The following DGKG variants were observed in gnomAD, a reference collection of about 807,000 sequenced individuals.
The protein encoded by DGKG is diacylglycerol kinase gamma.
Under a neutral mutation model 105.3 loss-of-function variants are expected in DGKG, and 78 were observed. The ratio of observed to expected loss-of-function variants is 0.74; its 90% confidence interval spans 0.62 to 0.89. The LOEUF (loss-of-function observed/expected upper bound fraction) is 0.89. Among genes scored for constraint, DGKG ranks in the 40% least tolerant of loss-of-function variants. The pLI is 0.00. For synonymous variants in DGKG, 346 were observed against 367.1 expected (o/e 0.94, Z 0.66); for missense variants, 958 against 1,020.1 (o/e 0.94, Z 0.83).
intron 16 of DGKG, among the ~76,000 whole-genome samples, chr3:186,258,172 C>T (rs556271139): frequency 3.3e-5 from 5 of 152,278 alleles, no homozygotes; most frequent in South Asian, 2.1e-4. Context: ...ACTCAACATT[C>T]GACACAAATG....
At chr3:186,278,456 A>T (rs1482039893) in intron 9 of DGKG, among the ~76,000 whole-genome samples, 1 of 152,052 alleles carries the variant, frequency 6.6e-6, no homozygotes, top group African/African-American at 2.4e-5. Context: ...AAGGGGGATG[A>T]TCTCTGGTGC....
intron 20 of DGKG, among the ~76,000 whole-genome samples, chr3:186,221,938 C>A (rs928745095): frequency 6.6e-6 from 1 of 152,206 alleles, no homozygotes; most frequent in Non-Finnish European, 1.5e-5. Flanking sequence ...TCTCACTTCC[C>A]ACTTCATAAA....
chr3:186,328,995 C>A (rs1292458692), intron 1 of DGKG, among the ~76,000 whole-genome samples: 1 of 152,192 alleles, frequency 6.6e-6, no homozygotes, highest in East Asian at 1.9e-4. Flanking sequence ...ATGAAGGTGA[C>A]AGCTGACAGC....
intron 22 of DGKG, among the ~76,000 whole-genome samples, chr3:186,184,362 A>G (rs1717516130): frequency 6.6e-6 from 1 of 152,104 alleles, no homozygotes; most frequent in Non-Finnish European, 1.5e-5. Context: ...TTATCAGCCA[A>G]TGTTTCTATA....
intron 2 of DGKG, among the ~76,000 whole-genome samples, chr3:186,315,845 CTGAA>C (rs1724793457): frequency 6.6e-6 from 1 of 152,170 alleles, no homozygotes; most frequent in Non-Finnish European, 1.5e-5. Context: ...CTCTACTTCA[CTGAA>C]TGTGAGCCAG....
At chr3:186,349,345 T>C (rs1237578943) in intron 1 of DGKG, among the ~76,000 whole-genome samples, 1 of 152,244 alleles carries the variant, frequency 6.6e-6, no homozygotes, top group Non-Finnish European at 1.5e-5. Context: ...TGCTCATCTT[T>C]AGCTTTCTGC....
intron 16 of DGKG, among the ~76,000 whole-genome samples, chr3:186,258,307 C>T (rs560385616): frequency 6.6e-6 from 1 of 152,264 alleles, no homozygotes; most frequent in Non-Finnish European, 1.5e-5. Flanking sequence ...TCCTGACACC[C>T]GCCCTGGTAA....
chr3:186,300,319 C>T (rs1472135191), intron 3 of DGKG, among the ~76,000 whole-genome samples: 1 of 152,134 alleles, frequency 6.6e-6, no homozygotes, highest in Non-Finnish European at 1.5e-5. Context: ...CAAATTTCTC[C>T]AAACAGACCA....
At chr3:186,328,706 G>A (rs1725462193) in intron 1 of DGKG, among the ~76,000 whole-genome samples, 1 of 151,754 alleles carries the variant, frequency 6.6e-6, no homozygotes, top group African/African-American at 2.4e-5. Flanking sequence ...CTCCCGAGTA[G>A]CTGGGACTAC....
At chr3:186,304,232 G>T (rs946093888) in intron 3 of DGKG, among the ~76,000 whole-genome samples, 1 of 152,230 alleles carries the variant, frequency 6.6e-6, no homozygotes, top group South Asian at 2.1e-4. Context: ...CTTTGTTCCC[G>T]TGTTTTTGGA....
chr3:186,206,175 G>A (rs1560094620), intron 21 of DGKG, among the ~76,000 whole-genome samples: 1 of 152,174 alleles, frequency 6.6e-6, no homozygotes, highest in South Asian at 2.1e-4. Context: ...CATGAGGTCA[G>A]GAGTTCGAGA....
chr3:186,250,122 G>C (rs1258593691), intron 19 of DGKG, among the ~76,000 whole-genome samples: 1 of 152,118 alleles, frequency 6.6e-6, no homozygotes, highest in Non-Finnish European at 1.5e-5. Context: ...CGAGTCAAGG[G>C]TCTCGAAGCC....
chr3:186,158,750 C>T (rs902681455), intron 24 of DGKG: 1 of 966,610 alleles, frequency 1.0e-6, no homozygotes, highest in Non-Finnish European at 1.2e-6. Context: ...CTATATCAAC[C>T]TTTTCTCAGA....
At chr3:186,262,493 G>A (rs1297566852) in intron 14 of DGKG, among the ~76,000 whole-genome samples, 2 of 152,102 alleles carry the variant, frequency 1.3e-5, no homozygotes, top group Non-Finnish European at 2.9e-5. Flanking sequence ...GGTAAGTCCT[G>A]CACACCATCC....
chr3:186,281,367 G>C (rs188082425), intron 7 of DGKG: 1 of 152,394 alleles, frequency 6.6e-6, no homozygotes, highest in East Asian at 1.9e-4. Flanking sequence ...CTGAGGCCAG[G>C]CTCCATCTAA....
rs192073813 is a variant in DGKG, at chr3:186,257,809, G to A, written c.1510+45C>T. The A allele has an allele frequency of 1.6e-4, 232 of 1,445,034 alleles. 1 individual carries two copies. The East Asian group carries it at 4.2e-3, about 26-fold the overall frequency. 89.5% of individuals were successfully genotyped at this position (1,445,034 alleles called of 1,614,324 possible). A position where few individuals can be genotyped will look rare whatever the true frequency, so the allele number is the denominator to read the frequency against. ...ATTGCCTTCTGCTGATTGTAAATAC[G>A]CTTACTATAAATAAGCAGCAAACGC... On this transcript the variant is annotated intron_variant, in intron 17 of 24. Coordinates refer to ENST00000265022, the MANE Select transcript of DGKG (RefSeq NM_001346.3).
At chr3:186,182,244 A>G (rs1210692301) in intron 22 of DGKG, among the ~76,000 whole-genome samples, 1 of 152,240 alleles carries the variant, frequency 6.6e-6, no homozygotes, top group Non-Finnish European at 1.5e-5. Context: ...TGAAATCCTG[A>G]AGCCGTAGTC....
chr3:186,331,416 C>A (rs936955775), intron 1 of DGKG, among the ~76,000 whole-genome samples: 2 of 152,176 alleles, frequency 1.3e-5, no homozygotes, highest in African/African-American at 2.4e-5. Context: ...TACCTAATAA[C>A]TCATTTAGCA....
intron 9 of DGKG, among the ~76,000 whole-genome samples, chr3:186,276,683 C>T (rs1332986749): frequency 1.3e-5 from 2 of 152,220 alleles, no homozygotes; most frequent in African/African-American, 4.8e-5. Flanking sequence ...TCTCCCACAT[C>T]CCATCCCAGG....
Sources: gnomAD v4.1 joint callset for allele counts (sites outside exome capture counted in the v4.1 genomes callset) on GRCh38, gnomAD v4.1.1 for gene constraint, MANE v1.5 for transcripts, NCBI Gene and HGNC (gene_info 2026-07-23, HGNC 2026-07-21) for gene names.